The following MPST variants were observed in gnomAD, a reference collection of about 807,000 sequenced individuals.
MPST encodes 3-mercaptopyruvate sulfurtransferase.
A neutral mutation model predicts 28.5 loss-of-function variants in MPST; 27 were observed. That is an observed-to-expected ratio of 0.95 (90% CI 0.70 to 1.31). The LOEUF is 1.31. MPST is among the 50% of genes most tolerant of loss of function. The probability of loss-of-function intolerance (pLI) is 0.00; values close to 1 mark genes in which losing one functional copy is unlikely to be tolerated. For missense variants in MPST, 492 were observed against 471.1 expected, an observed-to-expected ratio of 1.04 and a Z score of -0.41; for synonymous variants, 204 against 209.3, an observed-to-expected ratio of 0.97 and a Z score of 0.22.
Position 37,029,387 on chromosome 22 carries a change from A to C in MPST, c.827A>C (p.His276Pro), listed in dbSNP as rs766709644. The C allele has an allele frequency of 1.9e-6, 3 of 1,613,988 alleles. 1 individual carries two copies. The South Asian group carries it at 3.3e-5, about 18-fold the overall frequency. Residue 276 changes from histidine to proline, a missense_variant, in exon 3 of 3, where the codon CAC becomes CCC. Physicochemically the swap from His to Pro is moderately conservative, Grantham distance 77. Transcript: ENST00000429360. ...TGTGGCTCTGGCGTCACAGCCTGCCACGTGGCACTAGGGGCCTACCTCTGC... is the reference window on the plus strand; with the variant it reads ...TGTGGCTCTGGCGTCACAGCCTGCCCCGTGGCACTAGGGGCCTACCTCTGC... ...ATCGSGVTACHVALGAYLCGK... is the reference protein window; with the variant it reads ...ATCGSGVTACPVALGAYLCGK...
Position 37,023,078 on chromosome 22 carries a change from G to A in MPST, c.37-1114G>A, listed in dbSNP as rs951571278. 5 of 153,088 alleles carry A rather than the reference G, an allele frequency of 3.3e-5. No individual in the cohort carries two copies. In the Admixed American group the frequency reaches 3.3e-4, roughly 10 times the overall value. The allele number at this position is 153,088 out of a possible 1,614,324, so 9.5% of individuals were successfully genotyped here. A position where few individuals can be genotyped will look rare whatever the true frequency, so the allele number is the denominator to read the frequency against. ...AGATAGAGAGGAGAGGGAGGGAGGTGCGAAGTCACTGTTGCTGCTGCTAGA... is the reference window on the plus strand; with the variant it reads ...AGATAGAGAGGAGAGGGAGGGAGGTACGAAGTCACTGTTGCTGCTGCTAGA... On this transcript the variant is annotated intron_variant, in intron 1 of 2. Transcript: ENST00000429360.
intron 2 of MPST, chr22:37,027,359 C>A (rs1923601978): frequency 6.6e-6 from 1 of 152,180 alleles, no homozygotes. Flanking sequence ...ACAAAAAACA[C>A]CCTGGGAGTC....
chr22:37,023,915 C>A, intron 1 of MPST: 1 of 1,516,974 alleles, frequency 6.6e-7, no homozygotes, highest in South Asian at 1.2e-5. Flanking sequence ...ACCCTCCTGC[C>A]CAGCAAGTGG....
In MPST at chr22:37,029,499, G is replaced by GA. The variant is rs1923759346; in HGVS notation, c.939_940insA (p.Gly314ArgfsTer26). ...CCGAGGATGTCATCTCAGAGGGCCG[G>GA]GGGAAGACCCACTGAAGCTGGGCAG... is the stretch of plus-strand genomic sequence containing the variant. On this transcript the variant is annotated frameshift_variant, in exon 3 of 3. Transcript: ENST00000429360. LOFTEE classifies it high-confidence loss of function. 5.0e-6 allele frequency: 8 copies of GA among 1,603,810 alleles called. No homozygotes were observed. Among genetic ancestry groups the GA allele is most frequent in the Non-Finnish European group, 6.0e-6 (7 of 1,174,108 alleles).
Position 37,024,963 on chromosome 22 carries a change from C to T in MPST, c.655+153C>T, listed in dbSNP as rs1469574022. ...TCCTTTCCTTCCCTTTCCCTTCCCT[C>T]CTTTCCCCCTTTTCCCTACCCTTGC... On this transcript the variant is annotated intron_variant, in intron 2 of 2. Transcript: ENST00000429360. 4 of 1,509,376 alleles carry T rather than the reference C, an allele frequency of 2.7e-6. No homozygotes were observed. The Admixed American group carries it at 5.9e-5, about 22-fold the overall frequency. The allele number at this position is 1,509,376 out of a possible 1,614,324, so 93.5% of individuals were successfully genotyped here. A position where few individuals can be genotyped will look rare whatever the true frequency, so the allele number is the denominator to read the frequency against.
chr22:37,025,822 T>TC (rs1923484705), intron 2 of MPST: 1 of 152,210 alleles, frequency 6.6e-6, no homozygotes, highest in Non-Finnish European at 1.5e-5. Flanking sequence ...TGAAGAGCAT[T>TC]CCCATGGCTA....
rs187843645 is a variant in MPST at position 37,023,769 on chromosome 22, T to C, written c.37-423T>C. On this transcript the variant is annotated intron_variant, in intron 1 of 2. Coordinates refer to ENST00000429360, the MANE Select transcript of MPST (RefSeq NM_021126.8). Reference sequence around the variant, plus strand: ...CCTATTAGGTCGCCAATATAAATGCTTGATGAGTGAATGAATGACTTCCGT... The same window carrying C: ...CCTATTAGGTCGCCAATATAAATGCCTGATGAGTGAATGAATGACTTCCGT... 4.0e-5 allele frequency: 47 copies of C among 1,164,764 alleles called. 1 individual carries two copies. The highest frequency in any genetic ancestry group is 5.1e-5 in the Non-Finnish European group (47 of 928,828). The allele number at this position is 1,164,764 out of a possible 1,614,324, so 72.2% of individuals were successfully genotyped here.
rs1923731142 is a variant in MPST at position 37,029,280 on chromosome 22, G to A, written c.720G>A (p.Glu240=). The change falls in exon 3 of 3, where the codon GAG becomes GAA. Residue 240 remains glutamate, a synonymous_variant. Transcript: ENST00000429360. ...CCTTCACAGACTTCCTGAGCCAGGA[G>A]GGGCTGGAGAAGAGCCCTGAGGAGA... The part of the protein sequence containing the change: ...NIPFTDFLSQ[E]GLEKSPEEIR... 1 of 1,614,100 alleles carries A rather than the reference G, an allele frequency of 6.2e-7. No individual in the cohort carries two copies. Among genetic ancestry groups the A allele is most frequent in the Non-Finnish European group, 8.5e-7 (1 of 1,180,060 alleles).
At position 37,024,468 on chromosome 22, in the gene MPST, T is replaced by A; in HGVS notation, c.313T>A (p.Tyr105Asn). ...MLPGAEHFAE[Y>N]AGRLGVGAAT... ...GCCCGGGGCCGAGCATTTCGCGGAGTACGCAGGCCGCCTGGGCGTGGGCGC... is the reference window on the plus strand; with the variant it reads ...GCCCGGGGCCGAGCATTTCGCGGAGAACGCAGGCCGCCTGGGCGTGGGCGC... The change falls in exon 2 of 3, where the codon TAC (tyrosine) becomes AAC (asparagine). Residue 105 changes from tyrosine to asparagine, a missense_variant. Tyr to Asn is a moderately radical substitution (Grantham distance 143). Coordinates refer to ENST00000429360, the MANE Select transcript of MPST (RefSeq NM_021126.8). 1 of 1,555,756 alleles carries A rather than the reference T, an allele frequency of 6.4e-7. No individual in the cohort carries two copies. Among genetic ancestry groups the A allele is most frequent in the South Asian group, 1.2e-5 (1 of 85,148 alleles).
intron 2 of MPST, chr22:37,027,916 A>G (rs1366576834): frequency 2.6e-5 from 4 of 152,244 alleles, no homozygotes; most frequent in Non-Finnish European, 4.4e-5. Context: ...GGTGGGAAGC[A>G]TAGACTTGCC....
intron 2 of MPST, chr22:37,025,183 A>G (rs1282160418): frequency 7.0e-6 from 9 of 1,277,852 alleles, no homozygotes; most frequent in Non-Finnish European, 8.1e-6. Flanking sequence ...GTTAAGCAGA[A>G]CCATAATACT....
chr22:37,028,876 G>A (rs145668494), intron 2 of MPST: 65 of 237,364 alleles, frequency 2.7e-4, no homozygotes, highest in Non-Finnish European at 4.0e-4. Flanking sequence ...GGTACTGCAC[G>A]TTCTAGCTAG....
chr22:37,019,866 G>T lies in MPST; in HGVS notation c.30G>T (p.Glu10Asp). Reference protein sequence around the residue: MAEPGSRESETRARSPSVAA... With the variant: MAEPGSRESDTRARSPSVAA... ...CGGAGCCAGGAAGCCGGGAGTCCGA[G>T]ACCCGGGTAACTGCCGCGGCGTGGC... The change falls in exon 1 of 3, where the codon GAG becomes GAT. Residue 10 changes from glutamate (E) to aspartate (D), a missense_variant. Physicochemically the swap from Glu to Asp is conservative, Grantham distance 45. Coordinates refer to ENST00000429360, the MANE Select transcript of MPST (RefSeq NM_021126.8). The T allele has an allele frequency of 8.2e-7, 1 of 1,222,274 alleles. No individual in the cohort carries two copies. The highest frequency in any genetic ancestry group is 1.0e-6 in the Non-Finnish European group (1 of 975,808). 75.7% of individuals were successfully genotyped at this position (1,222,274 alleles called of 1,614,324 possible).
chr22:37,022,677 C>T (rs780563150), intron 1 of MPST, among the ~76,000 whole-genome samples: 1 of 152,226 alleles, frequency 6.6e-6, no homozygotes, highest in African/African-American at 2.4e-5. Context: ...ATAAAGCAGG[C>T]GTCCTAATAC....
Position 37,029,305 on chromosome 22 carries a change from AT to A in MPST, c.746del (p.Ile249ThrfsTer31). 6.2e-7 allele frequency: 1 copy of A among 1,614,010 alleles called. No homozygotes were observed. The highest frequency in any genetic ancestry group is 8.5e-7 in the Non-Finnish European group (1 of 1,179,966). Reference protein sequence around the residue: ...QEGLEKSPEEIRHLFQEKKVD... With the variant: ...QEGLEKSPEEXRHLFQEKKVD... ...GGGGCTGGAGAAGAGCCCTGAGGAG[AT>A]CCGCCATCTGTTCCAGGAGAAGAAA... On this transcript the variant is annotated frameshift_variant, in exon 3 of 3. Transcript: ENST00000429360. LOFTEE classifies it high-confidence loss of function.
rs752863290 is a variant in MPST at position 37,029,412 on chromosome 22, C to A, written c.852C>A (p.Cys284Ter). The A allele has an allele frequency of 6.2e-7, 1 of 1,613,914 alleles. No homozygotes were observed. The highest frequency in any genetic ancestry group is 1.1e-5 in the South Asian group (1 of 91,084). Residue 284 changes from cysteine (C) to a stop codon, truncating the protein, a stop_gained, in exon 3 of 3, where the codon TGC becomes TGA. Transcript: ENST00000429360. LOFTEE classifies it high-confidence loss of function. ...ACHVALGAYL[C>*]GKPDVPIYDG... ...ACGTGGCACTAGGGGCCTACCTCTG[C>A]GGCAAGCCAGACGTGCCCATCTACG...
chr22:37,021,532 G>A (rs1032539871), intron 1 of MPST, among the ~76,000 whole-genome samples: 1 of 152,054 alleles, frequency 6.6e-6, no homozygotes, highest in Non-Finnish European at 1.5e-5. Context: ...GAGTGCAGTG[G>A]CGCGATCTCG....
At chr22:37,021,707 G>A (rs988033815) in intron 1 of MPST, among the ~76,000 whole-genome samples, 14 of 152,034 alleles carry the variant, frequency 9.2e-5, no homozygotes, top group South Asian at 4.1e-4. Context: ...TCTTGACCTC[G>A]TTATCCGCCC....
chr22:37,020,601 C>T (rs1468013401), intron 1 of MPST, among the ~76,000 whole-genome samples: 2 of 152,200 alleles, frequency 1.3e-5, no homozygotes, highest in African/African-American at 4.8e-5. Context: ...CATTGCCCCT[C>T]CCTAGCTTTT....
Sources: allele counts gnomAD v4.1 joint callset (sites outside exome capture counted in the v4.1 genomes callset), GRCh38; gene constraint gnomAD v4.1.1; transcripts MANE v1.5; gene names NCBI Gene and HGNC (gene_info 2026-07-23, HGNC 2026-07-21).